Variants in RBM47 observed in about 807,000 individuals in gnomAD.
The protein encoded by RBM47 is RNA-binding protein 47.
Under a neutral mutation model 47.1 loss-of-function variants are expected in RBM47, and 21 were observed. That is an observed-to-expected ratio of 0.45 (90% CI 0.32 to 0.64). RBM47 has a LOEUF of 0.64. RBM47 is among the 30% of genes least tolerant of loss of function. The pLI, the probability that RBM47 is intolerant of heterozygous loss-of-function variation, is 0.05. For synonymous variants in RBM47, 375 were observed against 361.7 expected, an observed-to-expected ratio of 1.04 and a Z score of -0.42; for missense variants, 708 against 870.9, an observed-to-expected ratio of 0.81 and a Z score of 2.35.
chr4:40,618,830 A>C (rs1736987179), intron 1 of RBM47, among the ~76,000 whole-genome samples: 1 of 150,354 alleles, frequency 6.7e-6, no homozygotes, highest in African/African-American at 2.5e-5. Flanking sequence ...AAAAAAAAAA[A>C]AAAAGGGAAA....
At chr4:40,525,247 G>A (rs1726578872) in intron 2 of RBM47, among the ~76,000 whole-genome samples, 1 of 152,106 alleles carries the variant, frequency 6.6e-6, no homozygotes, top group Non-Finnish European at 1.5e-5. Flanking sequence ...AAACCAGCCT[G>A]GCCAACATGG....
intron 1 of RBM47, among the ~76,000 whole-genome samples, chr4:40,589,683 C>A (rs1578023450): frequency 6.6e-6 from 1 of 152,228 alleles, no homozygotes; most frequent in Admixed American, 6.5e-5. Context: ...AAGTGATCCA[C>A]CCGCCTCGGC....
At chr4:40,442,110 C>A (rs934171296) in intron 3 of RBM47, among the ~76,000 whole-genome samples, 4 of 152,162 alleles carry the variant, frequency 2.6e-5, no homozygotes, top group Non-Finnish European at 5.9e-5. Context: ...TTCCCAGTGA[C>A]ATGAATTGAG....
intron 1 of RBM47, among the ~76,000 whole-genome samples, chr4:40,587,177 T>C (rs1733674300): frequency 1.3e-5 from 2 of 152,012 alleles, no homozygotes; most frequent in African/African-American, 4.8e-5. Context: ...AGGAGGAAGA[T>C]TCAGGCATCT....
intron 1 of RBM47, among the ~76,000 whole-genome samples, chr4:40,579,073 C>G (rs1732611080): frequency 6.7e-6 from 1 of 149,726 alleles, no homozygotes; most frequent in African/African-American, 2.5e-5. Context: ...GAGCCAAGAT[C>G]ATGCCACTGC....
chr4:40,488,317 G>A (rs1366502614), intron 2 of RBM47, among the ~76,000 whole-genome samples: 1 of 117,186 alleles, frequency 8.5e-6, no homozygotes, highest in African/African-American at 3.2e-5. Flanking sequence ...GTGACAGAGC[G>A]AGACTCTGTC....
intron 2 of RBM47, among the ~76,000 whole-genome samples, chr4:40,540,637 T>TAAA (rs1728422538): frequency 1.0e-5 from 1 of 97,970 alleles, no homozygotes; most frequent in African/African-American, 6.4e-5. Flanking sequence ...AAACTCTGTC[T>TAAA]CAAAAAAAAA....
intron 1 of RBM47, among the ~76,000 whole-genome samples, chr4:40,569,971 CA>C (rs1267190578): frequency 2.6e-5 from 4 of 152,076 alleles, no homozygotes; most frequent in Non-Finnish European, 5.9e-5. Context: ...CTTGGCCTCC[CA>C]AAGTGCTGGG....
Position 40,625,900 on chromosome 4 carries a change from G to A in RBM47, c.-240+3496C>T, listed in dbSNP as rs79285452. Among the ~76,000 whole-genome samples, 307 of 152,214 alleles carry A rather than the reference G, an allele frequency of 2.0e-3. 2 individuals are homozygous for A. Among genetic ancestry groups the A allele is most frequent in the African/African-American group, 7.2e-3 (297 of 41,528 alleles). ...TTCCTAAAACACAAAGGGTTTTCAG[G>A]GTTACACTAGCACTCTGTCTTCTCC... On this transcript the variant is annotated intron_variant, in intron 1 of 6. Transcript: ENST00000295971.
At chr4:40,553,124 C>T (rs1243796393) in intron 1 of RBM47, among the ~76,000 whole-genome samples, 14 of 147,578 alleles carry the variant, frequency 9.5e-5, no homozygotes, top group Non-Finnish European at 1.5e-4. Context: ...CGCGCCACCA[C>T]GCCCCACCTC....
intron 1 of RBM47, among the ~76,000 whole-genome samples, chr4:40,617,732 ATTAAT>A (rs553041047): frequency 1.5e-4 from 22 of 151,214 alleles, no homozygotes; most frequent in African/African-American, 4.8e-4. Context: ...AATATATATG[ATTAAT>A]TTGAGTTATA....
Position 40,618,532 on chromosome 4 carries a change from T to C in RBM47, c.-240+10864A>G, listed in dbSNP as rs547417382. ...GATATAAAAGGGGGAAACTTCTAGC[T>C]GGGGGTAGTGGCTCACACCTGTAAT... On this transcript the variant is annotated intron_variant, in intron 1 of 6. Transcript: ENST00000295971. Among the ~76,000 whole-genome samples, 336 of 152,104 alleles carry C rather than the reference T, an allele frequency of 2.2e-3. 2 individuals are homozygous for C. Among genetic ancestry groups the C allele is most frequent in the African/African-American group, 7.9e-3 (326 of 41,526 alleles).
intron 2 of RBM47, among the ~76,000 whole-genome samples, chr4:40,524,349 A>G (rs1237629760): frequency 6.6e-6 from 1 of 152,136 alleles, no homozygotes; most frequent in African/African-American, 2.4e-5. Context: ...AACCCACCAG[A>G]CTCCAAAATC....
chr4:40,545,031 G>A (rs1728884129), intron 1 of RBM47, among the ~76,000 whole-genome samples: 1 of 149,126 alleles, frequency 6.7e-6, no homozygotes, highest in Admixed American at 6.7e-5. Flanking sequence ...CTCCAGCCTG[G>A]AAAACAGAGT....
chr4:40,549,867 G>C (rs1338485917), intron 1 of RBM47, among the ~76,000 whole-genome samples: 1 of 152,016 alleles, frequency 6.6e-6, no homozygotes, highest in Non-Finnish European at 1.5e-5. Context: ...TTTTAGTAGA[G>C]ACAGGGTTTC....
At chr4:40,487,221 T>A (rs1341150221) in intron 2 of RBM47, among the ~76,000 whole-genome samples, 3 of 152,222 alleles carry the variant, frequency 2.0e-5, no homozygotes, top group African/African-American at 7.2e-5. Context: ...GGAATTGGCA[T>A]CTTGGGAACT....
At chr4:40,511,914 G>A (rs392268) in intron 2 of RBM47, among the ~76,000 whole-genome samples, 6,519 of 145,366 alleles carry the variant, frequency 0.045, 498 homozygotes, top group African/African-American at 0.16. Context: ...CAGCCTGGGG[G>A]ACACAGTAAG....
chr4:40,531,510 G>C (rs959190280), intron 2 of RBM47, among the ~76,000 whole-genome samples: 1 of 151,910 alleles, frequency 6.6e-6, no homozygotes, highest in Non-Finnish European at 1.5e-5. Context: ...TGAAATTCCA[G>C]GACACCCTGA....
intron 1 of RBM47, among the ~76,000 whole-genome samples, chr4:40,564,135 A>G (rs932935268): frequency 1.4e-4 from 22 of 152,240 alleles, no homozygotes; most frequent in African/African-American, 5.3e-4. Flanking sequence ...ACCACAGTCT[A>G]GCTTCCCATA....
Sources: allele counts gnomAD v4.1 joint callset (sites outside exome capture counted in the v4.1 genomes callset), GRCh38; gene constraint gnomAD v4.1.1; transcripts MANE v1.5; gene names NCBI Gene and HGNC (gene_info 2026-07-23, HGNC 2026-07-21).